Variants in DENND2A observed in about 807,000 individuals in gnomAD.
DENND2A encodes the protein DENN domain containing 2A.
A neutral mutation model predicts 105.3 loss-of-function variants in DENND2A; 53 were observed. The ratio of observed to expected loss-of-function variants is 0.50; its 90% CI spans 0.40 to 0.63. DENND2A has a LOEUF of 0.63. Ranked by LOEUF, DENND2A falls within the 30% of genes least tolerant of loss-of-function variation. The pLI, the probability that DENND2A is intolerant of heterozygous loss-of-function variation, is 0.00. For missense variants in DENND2A, 1,138 were observed against 1,279.6 expected, an observed-to-expected ratio of 0.89 and a Z score of 1.69; for synonymous variants, 522 against 508.4, an observed-to-expected ratio of 1.03 and a Z score of -0.36.
In DENND2A at chr7:140,523,211, G is replaced by A. The variant is rs1415017840; in HGVS notation, c.2665+96C>T. On this transcript the variant is annotated intron_variant, in intron 17 of 19. Transcript: ENST00000496613. This position sits in a 1 kb window ranked among gnomAD's most constrained non-coding sequence, Gnocchi z 4.5. The stretch of plus-strand genomic sequence containing the variant: ...TGGTTTCTCTCCTTATGTCTCCCTT[G>A]CCCATATTCCTACTTGGCCCTTGGC... 1.0e-5 allele frequency: 11 copies of A among 1,081,596 alleles called. No homozygotes were observed. The highest frequency in any genetic ancestry group is 1.6e-5 in the Non-Finnish European group (11 of 702,690). The allele number at this position is 1,081,596 out of a possible 1,614,324, so 67.0% of individuals were successfully genotyped here.
chr7:140,525,153 C>CT (rs1198329788), intron 16 of DENND2A, among the ~76,000 whole-genome samples: 10,383 of 111,962 alleles, frequency 0.093, 1,186 homozygotes, highest in African/African-American at 0.25. Context: ...GAGACCCTGT[C>CT]TTTTTTTTTT....
chr7:140,560,200 T>C (rs1443051733), intron 9 of DENND2A, among the ~76,000 whole-genome samples: 1 of 152,212 alleles, frequency 6.6e-6, no homozygotes, highest in Non-Finnish European at 1.5e-5. Flanking sequence ...AAGCTGTCCC[T>C]TTCGAACTCC....
At chr7:140,577,114 C>T (rs1798329820) in intron 5 of DENND2A, among the ~76,000 whole-genome samples, 1 of 152,144 alleles carries the variant, frequency 6.6e-6, no homozygotes, top group Admixed American at 6.6e-5. Context: ...CCAAATAAGC[C>T]ACCAAATGTT....
intron 1 of DENND2A, among the ~76,000 whole-genome samples, chr7:140,632,887 A>G (rs1388535063): frequency 2.9e-5 from 3 of 103,894 alleles, no homozygotes; most frequent in African/African-American, 4.1e-5. Flanking sequence ...TTTTTGAGAC[A>G]GTCTCCCTCT....
At chr7:140,587,546 G>T (rs1798833605) in intron 4 of DENND2A, 107 bp downstream of exon 4, 2 of 1,453,860 alleles carry the variant, frequency 1.4e-6, no homozygotes, top group African/African-American at 1.4e-5. Context: ...TCAAGTGTGT[G>T]TGTGTGTACA....
chr7:140,590,201 C>T lies in DENND2A; in HGVS notation c.996-2421G>A, dbSNP rs560365091. Among the ~76,000 whole-genome samples the T allele has an allele frequency of 3.4e-3, 517 of 151,678 alleles. 3 individuals are homozygous for T. Among genetic ancestry groups the T allele is most frequent in the Middle Eastern group, 6.8e-3 (2 of 294 alleles). ...GGTTGGGGGTTCGTGACCAGCCTGG[C>T]CAACATGGTGAAACCTTGTCTCTAC... On this transcript the variant is annotated intron_variant, in intron 3 of 19. Transcript: ENST00000496613.
At chr7:140,580,444 C>T (rs944506448) in intron 5 of DENND2A, among the ~76,000 whole-genome samples, 5 of 152,058 alleles carry the variant, frequency 3.3e-5, no homozygotes, top group African/African-American at 4.8e-5. Flanking sequence ...GTCAGCATCC[C>T]GAGTAGTTAG....
chr7:140,542,479 C>T (rs1465859464), intron 14 of DENND2A, among the ~76,000 whole-genome samples: 2 of 152,050 alleles, frequency 1.3e-5, no homozygotes, highest in African/African-American at 4.8e-5. Context: ...GGCCTCTGTC[C>T]ACCACTGCCG....
At chr7:140,573,781 G>C (rs1269909981) in intron 6 of DENND2A, 27 bp downstream of exon 6, 1 of 1,606,762 alleles carries the variant, frequency 6.2e-7, no homozygotes. Context: ...ATGCATACCT[G>C]AGCATGAAGC....
At chr7:140,589,315 C>T (rs1798914783) in intron 3 of DENND2A, among the ~76,000 whole-genome samples, 1 of 152,180 alleles carries the variant, frequency 6.6e-6, no homozygotes, top group Admixed American at 6.6e-5. Flanking sequence ...TACAAAACTG[C>T]ATTACACAGT....
intron 5 of DENND2A, among the ~76,000 whole-genome samples, chr7:140,583,760 A>T (rs1798649717): frequency 6.8e-6 from 1 of 148,010 alleles, no homozygotes; most frequent in Non-Finnish European, 1.5e-5. Flanking sequence ...CCCCGTCTCT[A>T]CTAAAAATAC....
At chr7:140,579,496 A>T (rs1249548959) in intron 5 of DENND2A, among the ~76,000 whole-genome samples, 1 of 151,348 alleles carries the variant, frequency 6.6e-6, no homozygotes, top group Admixed American at 6.6e-5. Flanking sequence ...AGATTCAAGC[A>T]ATTCTCCTGC....
At position 140,528,249 on chromosome 7, in the gene DENND2A, C is replaced by T. The variant is rs576467052; in HGVS notation, c.2328-754G>A. ...GCCTATTTTCTCATGAATGCTCCTT[C>T]TCTTACTGAAGATCTGAAGATGCTT... On this transcript the variant is annotated intron_variant, in intron 14 of 19. Coordinates refer to ENST00000496613, the MANE Select transcript of DENND2A (RefSeq NM_015689.5). Among the ~76,000 whole-genome samples, 37 of 152,346 alleles carry T rather than the reference C, an allele frequency of 2.4e-4. 1 individual carries two copies. In the East Asian group the frequency reaches 6.9e-3, roughly 29 times the overall value.
chr7:140,536,358 A>G (rs1389413348), intron 14 of DENND2A, among the ~76,000 whole-genome samples: 3 of 135,656 alleles, frequency 2.2e-5, no homozygotes, highest in African/African-American at 6.4e-5. Context: ...CCATCTCAGG[A>G]AAAAAAAAAA....
chr7:140,530,687 A>G (rs1796228568), intron 14 of DENND2A, among the ~76,000 whole-genome samples: 1 of 151,928 alleles, frequency 6.6e-6, no homozygotes, highest in South Asian at 2.1e-4. Flanking sequence ...TAAGGAGAAT[A>G]CTATCCAGAA....
intron 5 of DENND2A, among the ~76,000 whole-genome samples, chr7:140,581,776 CTACAGA>C (rs1165542138): frequency 6.6e-6 from 1 of 152,158 alleles, no homozygotes; most frequent in Non-Finnish European, 1.5e-5. Flanking sequence ...TTCAGGACAG[CTACAGA>C]TACAGATACA....
chr7:140,559,454 G>A lies in DENND2A; in HGVS notation c.1889+254C>T, dbSNP rs1267210667. 1.3e-5 allele frequency among the ~76,000 whole-genome samples: 2 copies of A among 152,176 alleles called. No individual in the cohort carries two copies. The highest frequency in any genetic ancestry group is 2.9e-5 in the Non-Finnish European group (2 of 68,036). Reference sequence around the variant, plus strand: ...GCAATGTTGCCCTAACTTTTCCCAGGCTAAGAATTATCTTCCGGGAGGCTT... The same window carrying A: ...GCAATGTTGCCCTAACTTTTCCCAGACTAAGAATTATCTTCCGGGAGGCTT... On this transcript the variant is annotated intron_variant, in intron 10 of 19. Coordinates refer to ENST00000496613, the MANE Select transcript of DENND2A (RefSeq NM_015689.5). The surrounding 1 kb of genome is among the most constrained non-coding windows in gnomAD (Gnocchi z 4.1).
In DENND2A at chr7:140,527,251, A is replaced by T; in HGVS notation, c.2505+67T>A. ...CTGAGAACCGCTCCATGATGCCTGC[A>T]GAGCCAGCGCCCCGCTCTGTTCTCC... is the stretch of plus-strand genomic sequence containing the variant. On this transcript the variant is annotated intron_variant, in intron 15 of 19. Coordinates refer to ENST00000496613, the MANE Select transcript of DENND2A (RefSeq NM_015689.5). This position sits in a 1 kb window ranked among gnomAD's most constrained non-coding sequence, Gnocchi z 4.9. The T allele has an allele frequency of 1.4e-6, 2 of 1,453,570 alleles. No homozygotes were observed. Among genetic ancestry groups the T allele is most frequent in the Non-Finnish European group, 1.8e-6 (2 of 1,091,064 alleles). 90.0% of individuals were successfully genotyped at this position (1,453,570 alleles called of 1,614,324 possible).
At position 140,527,760 on chromosome 7, in the gene DENND2A, T is replaced by C. The variant is rs910956739; in HGVS notation, c.2328-265A>G. On this transcript the variant is annotated intron_variant, in intron 14 of 19. Coordinates refer to ENST00000496613, the MANE Select transcript of DENND2A (RefSeq NM_015689.5). The surrounding 1 kb of genome is among the most constrained non-coding windows in gnomAD (Gnocchi z 4.9). Reference sequence around the variant, plus strand: ...GTTTCCACATGTGAGCTGCACGCCCTGCACTCTCCCGCCCTGACCTTTTTT... The same window carrying C: ...GTTTCCACATGTGAGCTGCACGCCCCGCACTCTCCCGCCCTGACCTTTTTT... 2.0e-5 allele frequency among the ~76,000 whole-genome samples: 3 copies of C among 152,216 alleles called. No homozygotes were observed. Among genetic ancestry groups the C allele is most frequent in the Non-Finnish European group, 4.4e-5 (3 of 68,034 alleles).
Sources: allele counts gnomAD v4.1 joint callset (sites outside exome capture counted in the v4.1 genomes callset), GRCh38; gene constraint gnomAD v4.1.1; non-coding constraint Gnocchi (gnomAD v3.1); transcripts MANE v1.5; gene names NCBI Gene and HGNC (gene_info 2026-07-23, HGNC 2026-07-21).